The following AKAP12 variants were observed in gnomAD, a reference collection of about 807,000 sequenced individuals.
AKAP12 encodes A-kinase anchor protein 12.
In AKAP12, 32 loss-of-function variants were observed where a neutral mutation model predicts 79.9. That is an observed-to-expected ratio of 0.40 (90% confidence interval 0.30 to 0.54). The LOEUF (loss-of-function observed/expected upper bound fraction) is 0.54. Among genes scored for constraint, AKAP12 ranks in the 20% least tolerant of loss-of-function variants. The pLI, the probability that AKAP12 is intolerant of heterozygous loss-of-function variation, is 0.48. For missense variants in AKAP12, 2,074 were observed against 2,177.0 expected, an observed-to-expected ratio of 0.95 and a Z score of 0.94; for synonymous variants, 808 against 857.0, an observed-to-expected ratio of 0.94 and a Z score of 1.00.
chr6:151,314,352 T>C (rs1045693536), intron 3 of AKAP12, among the ~76,000 whole-genome samples: 2 of 152,202 alleles, frequency 1.3e-5, no homozygotes, highest in African/African-American at 2.4e-5. Flanking sequence ...AAAGCCATTT[T>C]CTATATTTGA....
At position 151,353,420 on chromosome 6, in the gene AKAP12, G is replaced by A. The variant is rs777339690; in HGVS notation, c.5029G>A (p.Glu1677Lys). Residue 1677 changes from glutamate to lysine, a missense_variant, in exon 4 of 5, where the codon GAA becomes AAA. Around this residue, in one of 3 missense-constraint regions of AKAP12, gnomAD observed 614 missense variants for 665.6 expected, o/e 0.92. Transcript: ENST00000402676. Reference sequence around the variant, plus strand: ...TGGAGCTGGAACAAAGTCTGTGCCAGAAGATGATGGTCATGCCTTGTTAGC... The same window carrying A: ...TGGAGCTGGAACAAAGTCTGTGCCAAAAGATGATGGTCATGCCTTGTTAGC... ...GGGAGTKSVP[E>K]DDGHALLAER... 6.2e-7 allele frequency: 1 copy of A among 1,614,210 alleles called. No homozygotes were observed. Among genetic ancestry groups the A allele is most frequent in the Non-Finnish European group, 8.5e-7 (1 of 1,180,040 alleles).
At chr6:151,269,422 A>T (rs1459369213) in intron 2 of AKAP12, among the ~76,000 whole-genome samples, 1 of 152,148 alleles carries the variant, frequency 6.6e-6, no homozygotes, top group Non-Finnish European at 1.5e-5. Context: ...TCTTTCATAG[A>T]ACTTGCCAAG....
chr6:151,241,190 C>T (rs1796968636), intron 2 of AKAP12, among the ~76,000 whole-genome samples: 1 of 152,206 alleles, frequency 6.6e-6, no homozygotes, highest in Non-Finnish European at 1.5e-5. Context: ...CAGCCACCCT[C>T]GGGTTCCCCG....
rs377528582 is a variant in AKAP12, at chr6:151,344,286, C to G, written c.320-4425C>G. 3.9e-5 allele frequency among the ~76,000 whole-genome samples: 6 copies of G among 152,266 alleles called. No individual in the cohort carries two copies. The East Asian group carries it at 7.7e-4, about 20-fold the overall frequency. ...AAATGAGCCTTGCTGATTATCGAAG[C>G]TGTTACAGATGGTGAGTCTATGGCA... On this transcript the variant is annotated intron_variant, in intron 3 of 4. Transcript: ENST00000402676.
intron 2 of AKAP12, among the ~76,000 whole-genome samples, chr6:151,244,246 C>T (rs6916277): frequency 3.9e-5 from 6 of 151,980 alleles, no homozygotes; most frequent in African/African-American, 1.5e-4. Context: ...GACAATTGGC[C>T]GGGTGCGGTG....
chr6:151,293,604 G>A (rs1329006023), intron 2 of AKAP12, among the ~76,000 whole-genome samples: 4 of 152,170 alleles, frequency 2.6e-5, no homozygotes, highest in Non-Finnish European at 4.4e-5. Context: ...TGTAGCTCTA[G>A]GGGTCTGTAT....
intron 2 of AKAP12, among the ~76,000 whole-genome samples, chr6:151,292,852 G>A (rs920449527): frequency 2.6e-5 from 4 of 152,176 alleles, no homozygotes; most frequent in African/African-American, 9.7e-5. Context: ...ACCTTCTTCT[G>A]TCTTCCTCTT....
intron 3 of AKAP12, among the ~76,000 whole-genome samples, chr6:151,322,670 C>T (rs1043136285): frequency 2.8e-5 from 4 of 140,710 alleles, no homozygotes; most frequent in East Asian, 1.9e-4. Flanking sequence ...CAGAGGTGAG[C>T]CAAACTAGAG....
At chr6:151,330,809 GAA>G (rs1004166382) in intron 3 of AKAP12, among the ~76,000 whole-genome samples, 1 of 151,590 alleles carries the variant, frequency 6.6e-6, no homozygotes, top group Non-Finnish European at 1.5e-5. Context: ...GGAAAAGTGA[GAA>G]AAAAAAGATG....
At chr6:151,287,987 TCTCA>T (rs1776539056) in intron 2 of AKAP12, among the ~76,000 whole-genome samples, 1 of 150,884 alleles carries the variant, frequency 6.6e-6, no homozygotes, top group African/African-American at 2.4e-5. Context: ...CACCACATGT[TCTCA>T]CTCATACGTA....
At chr6:151,334,957 C>G (rs1389822599) in intron 3 of AKAP12, among the ~76,000 whole-genome samples, 1 of 152,132 alleles carries the variant, frequency 6.6e-6, no homozygotes, top group South Asian at 2.1e-4. Flanking sequence ...TCAGTGACTT[C>G]TGGTCCTGAA....
At position 151,350,888 on chromosome 6, in the gene AKAP12, CCAACAGGGG is replaced by C; in HGVS notation, c.2499_2507del (p.Thr834_Ala836del). The C allele has an allele frequency of 6.2e-7, 1 of 1,614,082 alleles. No homozygotes were observed. Among genetic ancestry groups the C allele is most frequent in the Non-Finnish European group, 8.5e-7 (1 of 1,180,008 alleles). On this transcript the variant is annotated inframe_deletion, in exon 4 of 5. Coordinates refer to ENST00000402676, the MANE Select transcript of AKAP12 (RefSeq NM_005100.4). This position sits in a 1 kb window ranked among gnomAD's most constrained non-coding sequence, Gnocchi z 4.8. ...ACAAGCCCCTGTTGAAGACGCAGGG[CCAACAGGGG>C]CCAACGAAGATGACTCTGATGTCCC...
At chr6:151,325,708 C>T (rs1485979620) in intron 3 of AKAP12, 56 of 1,474,770 alleles carry the variant, frequency 3.8e-5, no homozygotes, top group Non-Finnish European at 4.8e-5. Context: ...AGGGCACCTC[C>T]GGTTCTCCCC....
intron 2 of AKAP12, among the ~76,000 whole-genome samples, chr6:151,286,859 A>C (rs1776514677): frequency 6.6e-6 from 1 of 152,200 alleles, no homozygotes; most frequent in African/African-American, 2.4e-5. Flanking sequence ...TCAGGTGAGA[A>C]CCAAAGCTAC....
intron 2 of AKAP12, among the ~76,000 whole-genome samples, chr6:151,259,858 T>C (rs1797384904): frequency 6.6e-6 from 1 of 151,952 alleles, no homozygotes; most frequent in Non-Finnish European, 1.5e-5. Context: ...ATTACAGGCA[T>C]GAGCCACTGC....
At chr6:151,283,298 T>C (rs1281506193) in intron 2 of AKAP12, among the ~76,000 whole-genome samples, 1 of 152,154 alleles carries the variant, frequency 6.6e-6, no homozygotes, top group Non-Finnish European at 1.5e-5. Flanking sequence ...ACAGACAGCA[T>C]TGAACACAAA....
At chr6:151,321,610 C>T (rs932426450) in intron 3 of AKAP12, among the ~76,000 whole-genome samples, 10 of 152,208 alleles carry the variant, frequency 6.6e-5, no homozygotes, top group African/African-American at 2.4e-4. Context: ...AGGTTGCTTC[C>T]ACTTTTGGCT....
intron 2 of AKAP12, among the ~76,000 whole-genome samples, chr6:151,253,297 A>G (rs1003920627): frequency 6.6e-6 from 1 of 152,246 alleles, no homozygotes; most frequent in Non-Finnish European, 1.5e-5. Flanking sequence ...ACAAAGTTAT[A>G]GGAAATTACT....
chr6:151,332,033 G>GTTTTTTTTTTTTTTT (rs71014573), intron 3 of AKAP12, among the ~76,000 whole-genome samples: 2 of 79,690 alleles, frequency 2.5e-5, no homozygotes, highest in African/African-American at 1.1e-4. Context: ...TTCTGGGTCT[G>GTTTTTTTTTTTTTTT]TTTTTTTTTT....
Sources: gnomAD v4.1 joint callset for allele counts (sites outside exome capture counted in the v4.1 genomes callset) on GRCh38, gnomAD v4.1.1 for gene constraint, gnomAD v4.1.1 regional missense constraint, Gnocchi (gnomAD v3.1) non-coding constraint, MANE v1.5 for transcripts, NCBI Gene and HGNC (gene_info 2026-07-23, HGNC 2026-07-21) for gene names.